DCC: variants seen among roughly 807,000 people sequenced by gnomAD.
The protein encoded by DCC is DCC netrin 1 receptor.
A neutral mutation model predicts 172.5 loss-of-function variants in DCC; 58 were observed. The observed-to-expected ratio is 0.34, with a 90% CI of 0.27 to 0.42. The LOEUF (loss-of-function observed/expected upper bound fraction) is 0.42, where lower values mean the gene tolerates loss of function less well. Among genes scored for constraint, DCC ranks in the 10% least tolerant of loss-of-function variants. The pLI, the probability that DCC is intolerant of heterozygous loss-of-function variation, is 1.00. For synonymous variants in DCC, 709 were observed against 644.5 expected (o/e 1.10, Z -1.52); for missense variants, 1,740 against 1,791.0 (o/e 0.97, Z 0.51).
chr18:52,434,215 A>C (rs1054337907), intron 1 of DCC, among the ~76,000 whole-genome samples: 3 of 152,226 alleles, frequency 2.0e-5, no homozygotes, highest in Middle Eastern at 3.2e-3. Flanking sequence ...TATACTTTAC[A>C]CCACTGGTGT....
intron 5 of DCC, among the ~76,000 whole-genome samples, chr18:52,945,360 AAC>A (rs1420551458): frequency 1.3e-5 from 2 of 152,324 alleles, no homozygotes; most frequent in East Asian, 3.9e-4. Flanking sequence ...AAAATATATG[AAC>A]ACAGTCTGCT....
Position 52,348,747 on chromosome 18 carries a change from T to A in DCC, c.91+7869T>A, listed in dbSNP as rs186788070. 1.4e-4 allele frequency among the ~76,000 whole-genome samples: 21 copies of A among 152,316 alleles called. 1 individual carries two copies. Among genetic ancestry groups the A allele is most frequent in the Admixed American group, 3.9e-4 (6 of 15,296 alleles). On this transcript the variant is annotated intron_variant, in intron 1 of 28. Coordinates refer to ENST00000442544, the MANE Select transcript of DCC (RefSeq NM_005215.4). Reference sequence around the variant, plus strand: ...TAATGTTCAGGAAGTTGTCGCCTAATACTTTACCATGTTGACTCTGGCCTA... The same window carrying A: ...TAATGTTCAGGAAGTTGTCGCCTAAAACTTTACCATGTTGACTCTGGCCTA...
rs1057270236 is a variant in DCC, at chr18:53,340,798, C to A, written c.2359+891C>A. ...TGATTTAATACCGTATTACATGACC[C>A]CACTGGAAATGCAGCTTGATTGGGC... is the stretch of plus-strand genomic sequence containing the variant. On this transcript the variant is annotated intron_variant, in intron 15 of 28. Transcript: ENST00000442544. 3.9e-5 allele frequency among the ~76,000 whole-genome samples: 6 copies of A among 152,040 alleles called. No homozygotes were observed. The East Asian group carries it at 7.7e-4, about 20-fold the overall frequency.
In DCC at chr18:52,572,083, A is replaced by T. The variant is rs77126555; in HGVS notation, c.92-179971A>T. Among the ~76,000 whole-genome samples the T allele has an allele frequency of 3.7e-3, 564 of 152,326 alleles. 6 individuals are homozygous for T. Among genetic ancestry groups the T allele is most frequent in the African/African-American group, 0.013 (538 of 41,588 alleles). ...GGGAGGCCTTAACATTTTTAGCAGC[A>T]TAAAAAAATAAATGTTTGGAACATC... On this transcript the variant is annotated intron_variant, in intron 1 of 28. Transcript: ENST00000442544.
intron 5 of DCC, among the ~76,000 whole-genome samples, chr18:53,002,341 T>C (rs2143846769): frequency 6.6e-6 from 1 of 152,220 alleles, no homozygotes; most frequent in East Asian, 1.9e-4. Flanking sequence ...ATACATACAA[T>C]ACAGAAATTA....
At chr18:53,337,449 C>T (rs1482501029) in intron 14 of DCC, among the ~76,000 whole-genome samples, 1 of 152,186 alleles carries the variant, frequency 6.6e-6, no homozygotes, top group East Asian at 1.9e-4. Flanking sequence ...ATTAATCCAT[C>T]CTTTTCATCT....
At chr18:53,459,044 T>C (rs1415649937) in intron 23 of DCC, among the ~76,000 whole-genome samples, 188 bp from the exon 24 acceptor site, 1 of 152,088 alleles carries the variant, frequency 6.6e-6, no homozygotes, top group Admixed American at 6.6e-5. Context: ...TCCTTTATAA[T>C]GTGGTGAAGC....
intron 5 of DCC, among the ~76,000 whole-genome samples, chr18:53,026,731 C>T (rs1431701485): frequency 6.6e-6 from 1 of 151,832 alleles, no homozygotes; most frequent in African/African-American, 2.4e-5. Flanking sequence ...AAAATTTTTA[C>T]TTTTATTTTT....
chr18:53,122,072 C>T (rs1020655259), intron 7 of DCC, among the ~76,000 whole-genome samples: 9 of 151,932 alleles, frequency 5.9e-5, no homozygotes, highest in Non-Finnish European at 1.0e-4. Flanking sequence ...ATTATTTCTT[C>T]TCTAGTTGTT....
At chr18:52,972,804 T>A (rs2041051214) in intron 5 of DCC, among the ~76,000 whole-genome samples, 1 of 152,168 alleles carries the variant, frequency 6.6e-6, no homozygotes, top group South Asian at 2.1e-4. Flanking sequence ...ACTATTTATT[T>A]GGTGCTTAGC....
intron 1 of DCC, among the ~76,000 whole-genome samples, chr18:52,677,573 T>C (rs1454758558): frequency 1.3e-5 from 2 of 152,292 alleles, no homozygotes; most frequent in East Asian, 3.9e-4. Flanking sequence ...TTTCACAAAC[T>C]GAACTCATCT....
At chr18:53,342,289 G>A (rs1433790522) in intron 15 of DCC, among the ~76,000 whole-genome samples, 3 of 151,884 alleles carry the variant, frequency 2.0e-5, no homozygotes, top group Non-Finnish European at 4.4e-5. Flanking sequence ...GCCTGCTATA[G>A]GCATAGAGCT....
intron 5 of DCC, among the ~76,000 whole-genome samples, chr18:53,015,225 T>C (rs2041791642): frequency 6.6e-6 from 1 of 151,524 alleles, no homozygotes; most frequent in Non-Finnish European, 1.5e-5. Flanking sequence ...CAAAAATTAT[T>C]TATAGCAAGT....
intron 2 of DCC, among the ~76,000 whole-genome samples, chr18:52,902,722 G>C (rs947938740): frequency 2.0e-5 from 3 of 152,104 alleles, no homozygotes; most frequent in African/African-American, 7.2e-5. Flanking sequence ...ACCACCATGA[G>C]ATGTAACTGC....
intron 26 of DCC, 23 bp from the exon 27 acceptor site, chr18:53,499,275 G>T: frequency 6.2e-7 from 1 of 1,612,672 alleles, no homozygotes; most frequent in South Asian, 1.1e-5. Flanking sequence ...AATAATGAAT[G>T]ACTTTTCTTG....
chr18:53,160,231 G>T (rs1276007183), intron 8 of DCC, among the ~76,000 whole-genome samples: 1 of 152,070 alleles, frequency 6.6e-6, no homozygotes, highest in East Asian at 1.9e-4. Flanking sequence ...CATGAACCTT[G>T]ACAACACCAA....
At chr18:53,209,677 A>G (rs959124350) in intron 11 of DCC, among the ~76,000 whole-genome samples, 4 of 152,200 alleles carry the variant, frequency 2.6e-5, no homozygotes, top group African/African-American at 9.6e-5. Flanking sequence ...TGTAATTCTT[A>G]GGCCCATCCA....
At chr18:52,641,969 T>C (rs2034899823) in intron 1 of DCC, among the ~76,000 whole-genome samples, 2 of 149,728 alleles carry the variant, frequency 1.3e-5, no homozygotes, top group African/African-American at 5.0e-5. Context: ...CCAACCCAAA[T>C]GCCCATCCAT....
chr18:53,178,178 C>T (rs1004513551), intron 8 of DCC, among the ~76,000 whole-genome samples: 2 of 152,046 alleles, frequency 1.3e-5, no homozygotes, highest in African/African-American at 4.8e-5. Context: ...TATGTGTGTC[C>T]TTAAAGAATA....
Sources: gnomAD v4.1 joint callset for allele counts (sites outside exome capture counted in the v4.1 genomes callset) on GRCh38, gnomAD v4.1.1 for gene constraint, MANE v1.5 for transcripts, NCBI Gene and HGNC (gene_info 2026-07-23, HGNC 2026-07-21) for gene names.